PICALM: variants seen among roughly 807,000 people sequenced by gnomAD.
PICALM encodes phosphatidylinositol binding clathrin assembly protein, also known as phosphatidylinositol-binding clathrin assembly protein.
PICALM carries 40 observed loss-of-function variants against 80.5 expected under a neutral mutation model. The observed-to-expected ratio is 0.50, with a 90% CI of 0.39 to 0.65. The LOEUF is 0.65. Ranked by LOEUF, PICALM falls within the 30% of genes least tolerant of loss-of-function variation. The pLI is 0.00. For synonymous variants in PICALM, 288 were observed against 260.3 expected (o/e 1.11, Z -1.02); for missense variants, 676 against 778.9 (o/e 0.87, Z 1.57).
At chr11:85,977,658 T>G (rs931234158) in intron 17 of PICALM, among the ~76,000 whole-genome samples, 3 of 152,110 alleles carry the variant, frequency 2.0e-5, no homozygotes, top group African/African-American at 7.2e-5. Context: ...CTTATTGGTC[T>G]CTCCCTACTT....
At chr11:85,997,602 C>T (rs1592714662) in intron 11 of PICALM, among the ~76,000 whole-genome samples, 1 of 152,206 alleles carries the variant, frequency 6.6e-6, no homozygotes, top group South Asian at 2.1e-4. Context: ...TCCCAAGCAG[C>T]TGGGACTACA....
chr11:85,980,733 A>G (rs2094417656), intron 17 of PICALM, among the ~76,000 whole-genome samples: 1 of 152,230 alleles, frequency 6.6e-6, no homozygotes, highest in African/African-American at 2.4e-5. Context: ...CATATGTTCT[A>G]TAGTTAGGCT....
intron 8 of PICALM, among the ~76,000 whole-genome samples, chr11:86,004,735 A>G (rs1236870113): frequency 6.6e-6 from 1 of 152,176 alleles, no homozygotes; most frequent in East Asian, 1.9e-4. Context: ...TAAAGGGGCA[A>G]TACCTGCTAA....
intron 1 of PICALM, among the ~76,000 whole-genome samples, chr11:86,049,490 A>G (rs1436357067): frequency 6.6e-6 from 1 of 152,076 alleles, no homozygotes; most frequent in African/African-American, 2.4e-5. Flanking sequence ...CCCCCATGAC[A>G]GCTCGCCTGA....
In PICALM at chr11:86,052,329, T is replaced by G. The variant is rs182000006; in HGVS notation, c.130+16322A>C. Reference sequence around the variant, plus strand: ...TGCAGAACTGTGAGTCAATTAAACCTCTTTTCTTTATAAATTACCCAGTCT... The same window carrying G: ...TGCAGAACTGTGAGTCAATTAAACCGCTTTTCTTTATAAATTACCCAGTCT... On this transcript the variant is annotated intron_variant, in intron 1 of 19. Transcript: ENST00000393346. Among the ~76,000 whole-genome samples, 544 of 152,322 alleles carry G rather than the reference T, an allele frequency of 3.6e-3. 2 individuals are homozygous for G. Among genetic ancestry groups the G allele is most frequent in the Non-Finnish European group, 4.8e-3 (326 of 68,032 alleles).
At chr11:85,965,832 T>G (rs1282676535) in intron 19 of PICALM, among the ~76,000 whole-genome samples, 18 of 146,998 alleles carry the variant, frequency 1.2e-4, no homozygotes, top group African/African-American at 4.5e-4. Flanking sequence ...TTTTTTTTTT[T>G]TTTTTTGAGA....
chr11:86,025,951 C>CTA (rs1315615121), intron 3 of PICALM, among the ~76,000 whole-genome samples: 1 of 152,158 alleles, frequency 6.6e-6, no homozygotes, highest in Non-Finnish European at 1.5e-5. Context: ...TGGGTAGGTA[C>CTA]TATCACTATT....
Position 86,068,854 on chromosome 11 carries a change from C to G in PICALM, c.-74G>C. 1 of 1,485,272 alleles carries G rather than the reference C, an allele frequency of 6.7e-7. No homozygotes were observed. The highest frequency in any genetic ancestry group is 8.9e-7 in the Non-Finnish European group (1 of 1,120,062). The allele number at this position is 1,485,272 out of a possible 1,614,324, so 92.0% of individuals were successfully genotyped here. Reference sequence around the variant, plus strand: ...GGGACCCCCAAGAGCCGGAGGGTCCCCACCCCCCACCGCACCCCCTACCCC... The same window carrying G: ...GGGACCCCCAAGAGCCGGAGGGTCCGCACCCCCCACCGCACCCCCTACCCC... On this transcript the variant is annotated 5_prime_UTR_variant, in exon 1 of 20. Coordinates refer to ENST00000393346, the MANE Select transcript of PICALM (RefSeq NM_007166.4).
At chr11:85,986,905 C>T (rs1002054856) in intron 13 of PICALM, among the ~76,000 whole-genome samples, 3 of 152,206 alleles carry the variant, frequency 2.0e-5, no homozygotes, top group Non-Finnish European at 2.9e-5. Context: ...CCAGTGAAAA[C>T]TTTCTCACTA....
chr11:86,005,824 T>C (rs1370758911), intron 8 of PICALM, among the ~76,000 whole-genome samples: 1 of 152,134 alleles, frequency 6.6e-6, no homozygotes, highest in Admixed American at 6.5e-5. Flanking sequence ...TCTTCTGCAT[T>C]ACCACCATCG....
chr11:86,013,150 C>T (rs558154260), intron 5 of PICALM, among the ~76,000 whole-genome samples: 5 of 151,952 alleles, frequency 3.3e-5, no homozygotes, highest in African/African-American at 1.2e-4. Flanking sequence ...CTACAAAAAA[C>T]TAAAACCAAG....
At chr11:85,976,505 G>A (rs1420897999) in intron 18 of PICALM, 118 bp downstream of exon 18, 2 of 646,850 alleles carry the variant, frequency 3.1e-6, no homozygotes, top group Non-Finnish European at 5.7e-6. Context: ...TACTGCATTA[G>A]GCACTAGGGC....
chr11:85,972,797 A>T lies in PICALM; in HGVS notation c.1944+1911T>A, dbSNP rs367616082. ...AAGTAAATGATACATATCTGAAGTT[A>T]AATGTACAAATAACAAAATAAAAAA... On this transcript the variant is annotated intron_variant, in intron 19 of 19. Coordinates refer to ENST00000393346, the MANE Select transcript of PICALM (RefSeq NM_007166.4). 3.0e-3 allele frequency among the ~76,000 whole-genome samples: 452 copies of T among 152,324 alleles called. 3 individuals are homozygous for T. The highest frequency in any genetic ancestry group is 0.01 in the African/African-American group (434 of 41,576).
chr11:86,040,124 TG>T (rs776392419), intron 1 of PICALM, among the ~76,000 whole-genome samples: 1 of 151,186 alleles, frequency 6.6e-6, no homozygotes, highest in Admixed American at 6.6e-5. Context: ...GTTATAAGAA[TG>T]GATGGTGATA....
intron 19 of PICALM, among the ~76,000 whole-genome samples, chr11:85,973,425 C>G (rs1592400586): frequency 6.6e-6 from 1 of 152,252 alleles, no homozygotes; most frequent in East Asian, 1.9e-4. Context: ...AAGAGAAAGA[C>G]AGAGAGGGAG....
At chr11:86,067,414 G>C (rs778692394) in intron 1 of PICALM, among the ~76,000 whole-genome samples, 1 of 152,116 alleles carries the variant, frequency 6.6e-6, no homozygotes, top group East Asian at 1.9e-4. Context: ...AGCTCCATTG[G>C]CTTGAGTGAT....
At chr11:85,968,590 A>G (rs2093987246) in intron 19 of PICALM, among the ~76,000 whole-genome samples, 1 of 152,246 alleles carries the variant, frequency 6.6e-6, no homozygotes, top group Non-Finnish European at 1.5e-5. Context: ...TTCATGCTTA[A>G]TAACATAATA....
intron 1 of PICALM, among the ~76,000 whole-genome samples, chr11:86,047,232 A>G (rs2096089322): frequency 6.6e-6 from 1 of 152,158 alleles, no homozygotes; most frequent in Non-Finnish European, 1.5e-5. Context: ...AACTGCACAC[A>G]TTTTCACAAA....
chr11:86,022,481 C>CA lies in PICALM; in HGVS notation c.350-13dup. 2.3e-6 allele frequency: 3 copies of CA among 1,287,718 alleles called. No homozygotes were observed. Among genetic ancestry groups the CA allele is most frequent in the South Asian group, 1.5e-5 (1 of 68,292 alleles). 79.8% of individuals were successfully genotyped at this position (1,287,718 alleles called of 1,614,324 possible). A position where few individuals can be genotyped will look rare whatever the true frequency, so the allele number is the denominator to read the frequency against. ...AGACATGTCATATCCTGTAAAAAAACAAAAACAAAAACAAAACAAAGAGAG... is the reference window on the plus strand; with the variant it reads ...AGACATGTCATATCCTGTAAAAAAACAAAAAACAAAAACAAAACAAAGAGAG... On this transcript the variant is annotated splice_polypyrimidine_tract_variant and intron_variant, in intron 3 of 19. Transcript: ENST00000393346.
Sources: allele counts gnomAD v4.1 joint callset (sites outside exome capture counted in the v4.1 genomes callset), GRCh38; gene constraint gnomAD v4.1.1; transcripts MANE v1.5; gene names NCBI Gene and HGNC (gene_info 2026-07-23, HGNC 2026-07-21).